The following PDE4DIP variants were observed in gnomAD, a reference collection of about 807,000 sequenced individuals.
The protein encoded by PDE4DIP is phosphodiesterase 4D interacting protein.
In PDE4DIP, 59 loss-of-function variants were observed where a neutral mutation model predicts 221.4. That is an observed-to-expected ratio of 0.27 (90% CI 0.22 to 0.33). The LOEUF is 0.33. PDE4DIP is among the 10% of genes least tolerant of loss of function. The pLI is 1.00. For synonymous variants in PDE4DIP, 404 were observed against 815.9 expected, an observed-to-expected ratio of 0.50 and a Z score of 8.60; for missense variants, 1,036 against 2,154.2, an observed-to-expected ratio of 0.48 and a Z score of 10.28.
In PDE4DIP at chr1:148,923,620, C is replaced by A. The variant is rs1368143398; in HGVS notation, c.142-5577C>A. 4.1e-5 allele frequency among the ~76,000 whole-genome samples: 6 copies of A among 144,720 alleles called. 1 individual carries two copies. The highest frequency in any genetic ancestry group is 2.0e-4 in the East Asian group (1 of 5,120). The allele number at this position is 144,720 out of a possible 152,430, so 94.9% of individuals were successfully genotyped here. A position where few individuals can be genotyped will look rare whatever the true frequency, so the allele number is the denominator to read the frequency against. Reference sequence around the variant, plus strand: ...TCTCAAGTAGCTGGGACTACAGGAGCCCGCCACCGCTCCCGGCTAATTTTT... The same window carrying A: ...TCTCAAGTAGCTGGGACTACAGGAGACCGCCACCGCTCCCGGCTAATTTTT... On this transcript the variant is annotated intron_variant, in intron 1 of 43. Coordinates refer to ENST00000369354, the Ensembl canonical transcript of PDE4DIP.
intron 5 of PDE4DIP, among the ~76,000 whole-genome samples, chr1:148,960,387 T>G (rs587724024): frequency 7.1e-6 from 1 of 141,310 alleles, no homozygotes; most frequent in Admixed American, 7.4e-5. Context: ...TCTGAATTAC[T>G]TGCTTTCGCT....
At chr1:148,953,537 C>T (rs782606514) in intron 5 of PDE4DIP, 1 of 1,614,096 alleles carries the variant, frequency 6.2e-7, no homozygotes, top group African/African-American at 1.3e-5. Context: ...CCAGGCTAGC[C>T]CTCCACAACA....
intron 37 of PDE4DIP, chr1:149,021,447 A>T: frequency 3.4e-6 from 1 of 298,008 alleles, no homozygotes; most frequent in Non-Finnish European, 6.1e-6. Flanking sequence ...TGTCCTAATG[A>T]TATCATCATT....
chr1:148,884,142 C>CCTCA (rs1694948922), intron 3 of PDE4DIP, among the ~76,000 whole-genome samples: 1 of 103,188 alleles, frequency 9.7e-6, no homozygotes, highest in East Asian at 2.5e-4. Flanking sequence ...CTTCCCTTCC[C>CCTCA]CTCACTCTTA....
chr1:148,827,377 C>G lies in PDE4DIP; in HGVS notation c.233+18640C>G, dbSNP rs1471818418. Among the ~76,000 whole-genome samples, 8 of 102,886 alleles carry G rather than the reference C, an allele frequency of 7.8e-5. 3 individuals carry two copies. The highest frequency in any genetic ancestry group is 2.0e-4 in the Admixed American group (2 of 9,984). 67.5% of individuals were successfully genotyped at this position (102,886 alleles called of 152,430 possible). On this transcript the variant is annotated intron_variant, in intron 1 of 45. Transcript: ENST00000524974. ...TCACGCCATTCTCCTGTCTCAGCCT[C>G]CCGAGTAGCTGGGACCACAGGCACC...
intron 1 of PDE4DIP, among the ~76,000 whole-genome samples, chr1:148,815,140 T>TAAAAA (rs1667398580): frequency 9.7e-6 from 1 of 103,590 alleles, no homozygotes; most frequent in Non-Finnish European, 2.0e-5. Context: ...ATAAATAAAA[T>TAAAAA]AGTAAAGTAG....
intron 1 of PDE4DIP, among the ~76,000 whole-genome samples, chr1:148,926,920 T>C (rs1462481512): frequency 3.3e-4 from 48 of 144,624 alleles, no homozygotes; most frequent in African/African-American, 9.5e-4. Context: ...ATCTTAGACT[T>C]GTTCTTCATA....
At chr1:149,028,513 G>T in intron 40 of PDE4DIP, 47 bp from the exon 44 acceptor site, 4 of 1,578,904 alleles carry the variant, frequency 2.5e-6, no homozygotes, top group Non-Finnish European at 3.4e-6. Flanking sequence ...GCCCATGCAG[G>T]GGGAAGAAAG....
At chr1:148,949,798 C>A (rs1381213513) in intron 5 of PDE4DIP, among the ~76,000 whole-genome samples, 3 of 151,882 alleles carry the variant, frequency 2.0e-5, no homozygotes, top group Non-Finnish European at 4.4e-5. Context: ...TAGCTTATAT[C>A]CACTTTGAGA....
intron 37 of PDE4DIP, among the ~76,000 whole-genome samples, chr1:149,023,587 CAT>C (rs113257064): frequency 2.1e-5 from 3 of 143,242 alleles, no homozygotes; most frequent in African/African-American, 7.7e-5. Flanking sequence ...GTGTACATGT[CAT>C]ATATGTACAT....
chr1:148,986,902 G>T (rs1297691760), intron 21 of PDE4DIP, among the ~76,000 whole-genome samples: 2 of 152,088 alleles, frequency 1.3e-5, no homozygotes, highest in African/African-American at 4.8e-5. Flanking sequence ...CAGAATTATG[G>T]CATCACAAAA....
intron 21 of PDE4DIP, chr1:148,985,218 A>G (rs2061711293): frequency 6.6e-6 from 1 of 152,126 alleles, no homozygotes; most frequent in African/African-American, 2.4e-5. Context: ...GGTAGTGTGG[A>G]ACCATTTGTA....
At position 148,981,260 on chromosome 1, in the gene PDE4DIP, G is replaced by A. The variant is rs1160435364; in HGVS notation, c.2688-10G>A. On this transcript the variant is annotated splice_polypyrimidine_tract_variant and intron_variant, in intron 20 of 43. Coordinates refer to ENST00000369354, the Ensembl canonical transcript of PDE4DIP. ...AATCCACTTTCCTTCCATGTGGCATGTTTAATCAGCTCTGAGAGAGACCGA... is the reference window on the plus strand; with the variant it reads ...AATCCACTTTCCTTCCATGTGGCATATTTAATCAGCTCTGAGAGAGACCGA... The A allele has an allele frequency of 3.1e-6, 5 of 1,612,720 alleles. No individual in the cohort carries two copies. The highest frequency in any genetic ancestry group is 3.4e-6 in the Non-Finnish European group (4 of 1,179,776).
At chr1:148,855,713 A>G (rs377513058) in intron 1 of PDE4DIP, among the ~76,000 whole-genome samples, 1 of 123,544 alleles carries the variant, frequency 8.1e-6, no homozygotes, top group African/African-American at 2.7e-5. Flanking sequence ...ATTTCACTGT[A>G]TTATATAATA....
At chr1:148,884,449 GT>G (rs1553428169), upstream of PDE4DIP, among the ~76,000 whole-genome samples, 3 of 100,618 alleles carry the variant, frequency 3.0e-5, no homozygotes, top group Admixed American at 1.1e-4. Flanking sequence ...AATTTTTATA[GT>G]TTTTACTTTT....
At chr1:148,884,964 C>G (rs1443366852), upstream of PDE4DIP, among the ~76,000 whole-genome samples, 1 of 148,414 alleles carries the variant, frequency 6.7e-6, no homozygotes, top group Non-Finnish European at 1.5e-5. Flanking sequence ...TCTTGTGTAT[C>G]GATTAAGTTG....
At chr1:148,996,587 T>C (rs2064276738) in intron 22 of PDE4DIP, among the ~76,000 whole-genome samples, 1 of 152,062 alleles carries the variant, frequency 6.6e-6, no homozygotes, top group Non-Finnish European at 1.5e-5. Flanking sequence ...TTGACCTGGG[T>C]GCGCATGTCT....
intron 20 of PDE4DIP, among the ~76,000 whole-genome samples, chr1:148,980,133 G>A (rs1488569178): frequency 1.3e-5 from 2 of 152,266 alleles, no homozygotes; most frequent in South Asian, 2.1e-4. Flanking sequence ...TGCCTTGCAT[G>A]TAGTAAGCAC....
chr1:149,032,015 C>G (rs587647089), exon 44 of PDE4DIP: 2 of 1,610,660 alleles, frequency 1.2e-6, no homozygotes, highest in Non-Finnish European at 1.7e-6. Flanking sequence ...ATGCAAGAAG[C>G]GCAGCCACCA....
Sources: gnomAD v4.1 joint callset for allele counts (sites outside exome capture counted in the v4.1 genomes callset) on GRCh38, gnomAD v4.1.1 for gene constraint, MANE v1.5 for transcripts, NCBI Gene and HGNC (gene_info 2026-07-23, HGNC 2026-07-21) for gene names.